IPO5: variants seen among roughly 807,000 people sequenced by gnomAD.
The protein encoded by IPO5 is importin-5.
IPO5 carries 18 observed loss-of-function variants against 143.3 expected under a neutral mutation model. The observed-to-expected ratio is 0.13, with a 90% confidence interval of 0.09 to 0.19. The LOEUF is 0.19. Ranked by LOEUF, IPO5 falls within the 10% of genes least tolerant of loss-of-function variation. The pLI is 1.00. For missense variants in IPO5, 1,013 were observed against 1,336.9 expected (o/e 0.76, Z 3.78); for synonymous variants, 477 against 465.7 (o/e 1.02, Z -0.31).
intron 6 of IPO5, among the ~76,000 whole-genome samples, chr13:97,986,036 C>T (rs1887312209): frequency 6.6e-6 from 1 of 152,060 alleles, no homozygotes. Flanking sequence ...ATCACCTGAG[C>T]CCCAGAAGCT....
At position 97,990,545 on chromosome 13, in the gene IPO5, A is replaced by G. The variant is rs760687147; in HGVS notation, c.669+8A>G. 2.1e-6 allele frequency: 3 copies of G among 1,437,072 alleles called. No homozygotes were observed. Among genetic ancestry groups the G allele is most frequent in the Non-Finnish European group, 2.9e-6 (3 of 1,042,998 alleles). 89.0% of individuals were successfully genotyped at this position (1,437,072 alleles called of 1,614,324 possible). On this transcript the variant is annotated splice_region_variant and intron_variant, in intron 9 of 28. Coordinates refer to ENST00000651721, the MANE Select transcript of IPO5 (RefSeq NM_002271.6). ...CTACCGGGATTCCTACAGGTATGAA[A>G]GCAATATAGAATAAATCATAATTAT...
intron 21 of IPO5, among the ~76,000 whole-genome samples, chr13:98,013,127 C>T (rs1417426897): frequency 6.6e-6 from 1 of 152,188 alleles, no homozygotes; most frequent in Non-Finnish European, 1.5e-5. Context: ...ACGATCTTAG[C>T]TCACTGCAAC....
chr13:97,976,537 T>G (rs1476021976), intron 3 of IPO5, 156 bp from the exon 4 acceptor site: 1 of 115,472 alleles, frequency 8.7e-6, no homozygotes, highest in East Asian at 2.7e-4. Context: ...CGTCCTCCCC[T>G]TTCCCCTTTG....
chr13:97,982,875 TTTGA>T (rs997564973), intron 5 of IPO5, among the ~76,000 whole-genome samples: 2 of 152,320 alleles, frequency 1.3e-5, no homozygotes, highest in Non-Finnish European at 2.9e-5. Flanking sequence ...AGTGATTTGA[TTTGA>T]TTGATTGATT....
At chr13:97,983,315 C>T (rs1357381932) in intron 5 of IPO5, among the ~76,000 whole-genome samples, 1 of 151,998 alleles carries the variant, frequency 6.6e-6, no homozygotes, top group Non-Finnish European at 1.5e-5. Flanking sequence ...TGCTTATAAC[C>T]ATCTCTGGAT....
At chr13:98,020,371 ACTTGT>A (rs1307324953) in intron 27 of IPO5, among the ~76,000 whole-genome samples, 2 of 152,216 alleles carry the variant, frequency 1.3e-5, no homozygotes, top group Non-Finnish European at 2.9e-5. Context: ...TATTCTCCAT[ACTTGT>A]TTAAGTTCAG....
chr13:98,017,091 T>C lies in IPO5; in HGVS notation c.2616+240T>C, dbSNP rs9556858. On this transcript the variant is annotated intron_variant, in intron 25 of 28. Coordinates refer to ENST00000651721, the MANE Select transcript of IPO5 (RefSeq NM_002271.6). ...TCAGTTCTAACACATCTGAAAGATA[T>C]ATAAGTGATTTTTTTTATTATTTCA... Among the ~76,000 whole-genome samples, 370 of 152,064 alleles carry C rather than the reference T, an allele frequency of 2.4e-3. 9 individuals are homozygous for C. In the East Asian group the frequency reaches 0.054, roughly 22 times the overall value.
chr13:97,964,699 T>C (rs1398065206), intron 2 of IPO5, among the ~76,000 whole-genome samples: 2 of 151,876 alleles, frequency 1.3e-5, no homozygotes, highest in Non-Finnish European at 1.5e-5. Flanking sequence ...CCCGCCCGCC[T>C]CAGCCTCCCA....
chr13:97,986,277 A>G (rs1178080243), intron 6 of IPO5, among the ~76,000 whole-genome samples: 3 of 152,200 alleles, frequency 2.0e-5, no homozygotes, highest in Non-Finnish European at 2.9e-5. Flanking sequence ...TAAAAATCAG[A>G]GACTCCAGTG....
At chr13:97,997,790 T>C (rs1385572804) in intron 12 of IPO5, among the ~76,000 whole-genome samples, 172 bp downstream of exon 12, 1 of 152,226 alleles carries the variant, frequency 6.6e-6, no homozygotes, top group Non-Finnish European at 1.5e-5. Flanking sequence ...GTATTTTCTT[T>C]AGTTTTCATG....
chr13:98,001,054 T>G (rs934441464), intron 13 of IPO5: 1 of 197,612 alleles, frequency 5.1e-6, no homozygotes, highest in Non-Finnish European at 1.0e-5. Flanking sequence ...CAGCTGTTGT[T>G]GTTGACACAG....
intron 11 of IPO5, among the ~76,000 whole-genome samples, chr13:97,995,537 C>T (rs536804779): frequency 4.6e-5 from 7 of 152,042 alleles, no homozygotes; most frequent in Admixed American, 2.0e-4. Flanking sequence ...AGGTGGATCA[C>T]GAGGTCAGGA....
At chr13:98,011,945 G>A (rs1033684173) in intron 20 of IPO5, among the ~76,000 whole-genome samples, 1 of 151,912 alleles carries the variant, frequency 6.6e-6, no homozygotes, top group African/African-American at 2.4e-5. Flanking sequence ...TTTGTTTGAT[G>A]TATTGCTGAA....
At chr13:98,017,002 C>A (rs959749947) in intron 25 of IPO5, 151 bp downstream of exon 25, 1 of 623,434 alleles carries the variant, frequency 1.6e-6, no homozygotes, top group Non-Finnish European at 2.6e-6. Context: ...GACTGCATTA[C>A]CCTGGATATT....
At chr13:97,976,005 G>C (rs1239501855) in intron 3 of IPO5, 1 of 976,272 alleles carries the variant, frequency 1.0e-6, no homozygotes, top group Non-Finnish European at 1.2e-6. Flanking sequence ...AAGGTACGTA[G>C]GAAGTGGGTC....
intron 2 of IPO5, among the ~76,000 whole-genome samples, chr13:97,959,590 C>T (rs1283854193): frequency 1.3e-5 from 2 of 151,828 alleles, no homozygotes; most frequent in South Asian, 2.1e-4. Flanking sequence ...AAAAATTAAC[C>T]GGGTGTGGTG....
chr13:98,007,453 C>T (rs1285559261), intron 17 of IPO5: 2 of 152,252 alleles, frequency 1.3e-5, no homozygotes, highest in African/African-American at 4.8e-5. Flanking sequence ...AGAAGTTTCT[C>T]TGTCATTGAA....
In IPO5 at chr13:98,021,195, T is replaced by C. The variant is rs1019257789; in HGVS notation, c.3207+62T>C. 4.9e-6 allele frequency: 7 copies of C among 1,429,696 alleles called. No individual in the cohort carries two copies. In the African/African-American group the frequency reaches 1.0e-4, roughly 21 times the overall value. 88.6% of individuals were successfully genotyped at this position (1,429,696 alleles called of 1,614,324 possible). On this transcript the variant is annotated intron_variant, in intron 28 of 28. Coordinates refer to ENST00000651721, the MANE Select transcript of IPO5 (RefSeq NM_002271.6). ...AAACCTTTTTTTCTTTGTAGTCCTC[T>C]ATGAGAAGAAACTAGAAATCTAATG...
chr13:97,979,835 G>C, intron 4 of IPO5: 1 of 454,802 alleles, frequency 2.2e-6, no homozygotes, highest in Non-Finnish European at 4.4e-6. Flanking sequence ...CCATTGTTGA[G>C]ATTTCAATAG....
Sources: gnomAD v4.1 joint callset for allele counts (sites outside exome capture counted in the v4.1 genomes callset) on GRCh38, gnomAD v4.1.1 for gene constraint, MANE v1.5 for transcripts, NCBI Gene and HGNC (gene_info 2026-07-23, HGNC 2026-07-21) for gene names.